The following INPP4B variants were observed in gnomAD, a reference collection of about 807,000 sequenced individuals.
The protein encoded by INPP4B is inositol polyphosphate 4-phosphatase type II.
Under a neutral mutation model 122.5 loss-of-function variants are expected in INPP4B, and 55 were observed. The ratio of observed to expected loss-of-function variants is 0.45; its 90% CI spans 0.36 to 0.56. The LOEUF (loss-of-function observed/expected upper bound fraction) is 0.56, where lower values mean the gene tolerates loss of function less well. INPP4B is among the 20% of genes least tolerant of loss of function. The pLI is 0.00. For missense variants in INPP4B, 1,000 were observed against 1,097.7 expected (o/e 0.91, Z 1.26); for synonymous variants, 403 against 388.7 (o/e 1.04, Z -0.43).
At chr4:142,306,335 T>C (rs1763364386) in intron 8 of INPP4B, among the ~76,000 whole-genome samples, 1 of 151,478 alleles carries the variant, frequency 6.6e-6, no homozygotes, top group Non-Finnish European at 1.5e-5. Context: ...ATAAATAACA[T>C]GAAAAAGAGC....
intron 9 of INPP4B, among the ~76,000 whole-genome samples, chr4:142,271,764 T>C (rs1476017857): frequency 6.6e-6 from 1 of 152,192 alleles, no homozygotes; most frequent in African/African-American, 2.4e-5. Flanking sequence ...TCCAAGTCAT[T>C]GACAAGTCTT....
chr4:142,230,758 T>A (rs982335895), intron 12 of INPP4B, among the ~76,000 whole-genome samples: 1 of 152,060 alleles, frequency 6.6e-6, no homozygotes, highest in Admixed American at 6.6e-5. Context: ...CTATTTCACA[T>A]AGTGAGCATG....
rs552541846 is a variant in INPP4B, at chr4:142,790,893, C to T, written c.-254+55316G>A. Reference sequence around the variant, plus strand: ...AAGCCCAACATCTCAAATGGGTGCACCGGTAAATGAACCCCACACTTCATC... The same window carrying T: ...AAGCCCAACATCTCAAATGGGTGCATCGGTAAATGAACCCCACACTTCATC... On this transcript the variant is annotated intron_variant, in intron 1 of 25. Coordinates refer to ENST00000262992, the MANE Select transcript of INPP4B (RefSeq NM_001101669.3). Among the ~76,000 whole-genome samples, 17 of 151,932 alleles carry T rather than the reference C, an allele frequency of 1.1e-4. No individual in the cohort carries two copies. The South Asian group carries it at 3.5e-3, about 32-fold the overall frequency.
intron 2 of INPP4B, among the ~76,000 whole-genome samples, chr4:142,603,043 C>A (rs544224579): frequency 6.6e-6 from 1 of 152,250 alleles, no homozygotes; most frequent in Admixed American, 6.5e-5. Context: ...GAATACTACA[C>A]AGCCATAAAA....
At chr4:142,707,882 A>G (rs560084597) in intron 2 of INPP4B, among the ~76,000 whole-genome samples, 1 of 152,338 alleles carries the variant, frequency 6.6e-6, no homozygotes, top group South Asian at 2.1e-4. Flanking sequence ...GGCTCAGAAG[A>G]AGAAAGATAA....
intron 1 of INPP4B, among the ~76,000 whole-genome samples, chr4:142,788,377 C>T (rs1235890828): frequency 6.6e-6 from 1 of 151,902 alleles, no homozygotes; most frequent in Non-Finnish European, 1.5e-5. Context: ...TGTGGGTTTC[C>T]AAAGCCTTAT....
At chr4:142,687,183 A>T (rs1430143947) in intron 2 of INPP4B, among the ~76,000 whole-genome samples, 2 of 152,088 alleles carry the variant, frequency 1.3e-5, no homozygotes, top group African/African-American at 4.8e-5. Flanking sequence ...CTGACGAGGA[A>T]TCAAGAATGT....
At chr4:142,063,176 G>A (rs1005681865) in intron 25 of INPP4B, among the ~76,000 whole-genome samples, 3 of 152,154 alleles carry the variant, frequency 2.0e-5, no homozygotes, top group African/African-American at 4.8e-5. Context: ...TCTATGAGGA[G>A]TGCTGACTAC....
chr4:142,825,636 G>A (rs900583784), intron 1 of INPP4B, among the ~76,000 whole-genome samples: 2 of 152,102 alleles, frequency 1.3e-5, no homozygotes, highest in African/African-American at 4.8e-5. Context: ...AAGTGCTTTT[G>A]TGCATAGCAC....
chr4:142,225,531 T>C (rs1029250764), intron 12 of INPP4B, among the ~76,000 whole-genome samples: 7 of 148,532 alleles, frequency 4.7e-5, no homozygotes, highest in Non-Finnish European at 8.9e-5. Context: ...TATATATATA[T>C]GTATAAGTAT....
At chr4:142,495,488 T>C (rs114383778) in intron 2 of INPP4B, among the ~76,000 whole-genome samples, 8 of 152,122 alleles carry the variant, frequency 5.3e-5, no homozygotes, top group Non-Finnish European at 1.2e-4. Flanking sequence ...ATATAAATAG[T>C]AAAATAGTGA....
At chr4:142,300,398 T>C (rs1760900957) in intron 9 of INPP4B, among the ~76,000 whole-genome samples, 1 of 152,214 alleles carries the variant, frequency 6.6e-6, no homozygotes, top group Non-Finnish European at 1.5e-5. Context: ...GTTGTTGTTC[T>C]TTTATTTACA....
At chr4:142,604,630 T>C (rs1178436344) in intron 2 of INPP4B, among the ~76,000 whole-genome samples, 1 of 151,638 alleles carries the variant, frequency 6.6e-6, no homozygotes, top group African/African-American at 2.4e-5. Context: ...ATATAATAGC[T>C]ACAAAAAAAT....
At position 142,160,478 on chromosome 4, in the gene INPP4B, A is replaced by C; in HGVS notation, c.1443T>G (p.Ile481Met). 6.2e-7 allele frequency: 1 copy of C among 1,612,722 alleles called. No homozygotes were observed. Among genetic ancestry groups the C allele is most frequent in the Non-Finnish European group, 8.5e-7 (1 of 1,179,252 alleles). The stretch of plus-strand genomic sequence containing the variant: ...TCTTAGGAGAGGGTGGCTTCTTAAG[A>C]ATGCCTCCTGGCCTTGCAGTGTAGA... Reference protein sequence around the residue: ...LALYTARPGGILKKPPSPKSS... With the variant: ...LALYTARPGGMLKKPPSPKSS... Residue 481 changes from isoleucine to methionine, a missense_variant, in exon 17 of 26, where the codon ATT (isoleucine) becomes ATG (methionine). Ile to Met is a conservative substitution (Grantham distance 10). Transcript: ENST00000262992.
Position 142,725,041 on chromosome 4 carries a change from T to C in INPP4B, c.-191+798A>G, listed in dbSNP as rs1305829997. On this transcript the variant is annotated intron_variant, in intron 2 of 25. Transcript: ENST00000262992. ...AGACAGGACTCAATGGATGTCTCAG[T>C]TCCCTTCAAAATTCTAAACTGTCTG... Among the ~76,000 whole-genome samples the C allele has an allele frequency of 2.0e-5, 3 of 152,142 alleles. No individual in the cohort carries two copies. The East Asian group carries it at 5.8e-4, about 29-fold the overall frequency.
chr4:142,301,204 G>A (rs1423654836), intron 9 of INPP4B, among the ~76,000 whole-genome samples: 3 of 152,078 alleles, frequency 2.0e-5, no homozygotes, highest in Non-Finnish European at 4.4e-5. Context: ...TGAAGTCTTG[G>A]TGCTAGCATT....
chr4:142,155,996 G>GA (rs1205043614), intron 17 of INPP4B, among the ~76,000 whole-genome samples: 3 of 147,500 alleles, frequency 2.0e-5, no homozygotes, highest in African/African-American at 7.4e-5. Flanking sequence ...AACATAATAT[G>GA]AAATAGCAAA....
intron 1 of INPP4B, among the ~76,000 whole-genome samples, chr4:142,759,373 A>C (rs1770961135): frequency 6.6e-6 from 1 of 152,124 alleles, no homozygotes; most frequent in African/African-American, 2.4e-5. Flanking sequence ...TGGTTCTTTC[A>C]AATTCTAACA....
At chr4:142,434,520 C>T (rs1810022312) in intron 3 of INPP4B, among the ~76,000 whole-genome samples, 1 of 152,118 alleles carries the variant, frequency 6.6e-6, no homozygotes, top group Non-Finnish European at 1.5e-5. Context: ...CAGTTTAAAC[C>T]CAGCATTTCC....
Sources: allele counts gnomAD v4.1 joint callset (sites outside exome capture counted in the v4.1 genomes callset), GRCh38; gene constraint gnomAD v4.1.1; transcripts MANE v1.5; gene names NCBI Gene and HGNC (gene_info 2026-07-23, HGNC 2026-07-21).